The following CDH12 variants were observed in gnomAD, a reference collection of about 807,000 sequenced individuals.
CDH12 encodes the protein cadherin 12, also known as cadherin-12.
A neutral mutation model predicts 74.1 loss-of-function variants in CDH12; 41 were observed. That is an observed-to-expected ratio of 0.55 (90% CI 0.43 to 0.72). The LOEUF (loss-of-function observed/expected upper bound fraction) is 0.72. Ranked by LOEUF, CDH12 falls within the 30% of genes least tolerant of loss-of-function variation. CDH12 has a pLI of 0.00. For missense variants in CDH12, 945 were observed against 977.2 expected (o/e 0.97, Z 0.44); for synonymous variants, 399 against 355.0 (o/e 1.12, Z -1.39).
intron 1 of CDH12, among the ~76,000 whole-genome samples, chr5:22,831,679 G>A (rs1485039131): frequency 6.6e-6 from 1 of 151,938 alleles, no homozygotes; most frequent in Non-Finnish European, 1.5e-5. Context: ...GGTGGATCAC[G>A]AGGTCAGGAG....
chr5:22,828,416 G>A (rs1473414820), intron 1 of CDH12, among the ~76,000 whole-genome samples: 1 of 152,058 alleles, frequency 6.6e-6, no homozygotes, highest in Non-Finnish European at 1.5e-5. Flanking sequence ...AATGTCACTG[G>A]GATCTGCCAT....
chr5:21,871,951 A>T lies in CDH12; in HGVS notation c.527-17161T>A, dbSNP rs1285958470. On this transcript the variant is annotated intron_variant, in intron 6 of 14. Transcript: ENST00000382254. ...AATATATTAAAATGCCAACAAGTAGATAATAATGATATTGGATCACTTTAT... is the reference window on the plus strand; with the variant it reads ...AATATATTAAAATGCCAACAAGTAGTTAATAATGATATTGGATCACTTTAT... 5.9e-5 allele frequency among the ~76,000 whole-genome samples: 9 copies of T among 152,166 alleles called. 1 individual carries two copies.
chr5:21,950,761 T>TTATTA (rs1185119159), intron 6 of CDH12, among the ~76,000 whole-genome samples: 2 of 81,290 alleles, frequency 2.5e-5, no homozygotes, highest in Non-Finnish European at 4.3e-5. Context: ...TTTTATTTTA[T>TTATTA]TATTATTATT....
chr5:21,922,120 T>A (rs1754381405), intron 6 of CDH12, among the ~76,000 whole-genome samples: 1 of 152,184 alleles, frequency 6.6e-6, no homozygotes, highest in South Asian at 2.1e-4. Context: ...ACATTTGGTG[T>A]CATTTGCCCA....
Position 21,783,425 on chromosome 5 carries a change from G to A in CDH12, c.1326C>T (p.Ala442=), listed in dbSNP as rs374460952. Residue 442 remains alanine (A), a synonymous_variant, in exon 11 of 15, where the codon GCC becomes GCT. Coordinates refer to ENST00000382254, the MANE Select transcript of CDH12 (RefSeq NM_004061.5). Reference sequence around the variant, plus strand: ...TTTCTCTGTCTAGTAATTCATTAGTGGCGATGGTTCCTTCATTTCCATCTA... The same window carrying A: ...TTTCTCTGTCTAGTAATTCATTAGTAGCGATGGTTCCTTCATTTCCATCTA... ...FTIDGNEGTI[A]TNELLDREST... The A allele has an allele frequency of 4.4e-6, 7 of 1,608,332 alleles. No individual in the cohort carries two copies. Among genetic ancestry groups the A allele is most frequent in the South Asian group, 1.1e-5 (1 of 90,972 alleles).
chr5:22,851,558 A>C (rs1737558207), intron 1 of CDH12, among the ~76,000 whole-genome samples: 1 of 152,186 alleles, frequency 6.6e-6, no homozygotes. Flanking sequence ...TTTTTACTTC[A>C]GTAGTTTTCA....
intron 1 of CDH12, among the ~76,000 whole-genome samples, chr5:22,665,105 C>A (rs1191249568): frequency 1.3e-5 from 2 of 151,986 alleles, no homozygotes; most frequent in African/African-American, 4.8e-5. Context: ...TAGGTGTGCA[C>A]CAATGTGCTC....
chr5:22,352,948 C>T (rs116740409), intron 3 of CDH12, among the ~76,000 whole-genome samples: 1,792 of 152,260 alleles, frequency 0.012, 37 homozygotes, highest in African/African-American at 0.04. Flanking sequence ...CTCAAAGTCA[C>T]TTCTACAAAG....
At chr5:22,083,834 A>C (rs1742895746) in intron 4 of CDH12, among the ~76,000 whole-genome samples, 1 of 152,200 alleles carries the variant, frequency 6.6e-6, no homozygotes, top group South Asian at 2.1e-4. Context: ...TTCCAATCCT[A>C]GTAAAACAAG....
At chr5:22,726,577 G>C (rs903521704) in intron 1 of CDH12, among the ~76,000 whole-genome samples, 3 of 151,764 alleles carry the variant, frequency 2.0e-5, no homozygotes, top group Non-Finnish European at 2.9e-5. Context: ...ATTTCCTCCA[G>C]CAATGAAAGA....
chr5:22,661,118 G>T (rs1043801812), intron 1 of CDH12, among the ~76,000 whole-genome samples: 5 of 152,126 alleles, frequency 3.3e-5, no homozygotes, highest in African/African-American at 7.2e-5. Flanking sequence ...AGGAAGCAAA[G>T]AAACCTTATT....
chr5:22,724,157 A>G (rs187475461), intron 1 of CDH12, among the ~76,000 whole-genome samples: 4 of 151,952 alleles, frequency 2.6e-5, no homozygotes, highest in Non-Finnish European at 4.4e-5. Flanking sequence ...TCTATCATTA[A>G]CATACTACTT....
rs1754900785 is a variant in CDH12, at chr5:21,932,762, CAT to C, written c.526+42327_526+42328del. Among the ~76,000 whole-genome samples, 3 of 151,030 alleles carry C rather than the reference CAT, an allele frequency of 2.0e-5. No individual in the cohort carries two copies. In the South Asian group the frequency reaches 6.3e-4, roughly 32 times the overall value. On this transcript the variant is annotated intron_variant, in intron 6 of 14. Transcript: ENST00000382254. ...AAAAATACAAAAATTAGCTGGGTGTCATGGCACATGCATGTAGTCCCATCCTG... is the reference window on the plus strand; with the variant it reads ...AAAAATACAAAAATTAGCTGGGTGTCGGCACATGCATGTAGTCCCATCCTG...
intron 1 of CDH12, among the ~76,000 whole-genome samples, chr5:22,693,544 T>A (rs1742195294): frequency 6.6e-6 from 1 of 152,108 alleles, no homozygotes; most frequent in South Asian, 2.1e-4. Context: ...CAATGATTTT[T>A]GAAAATTTGA....
At chr5:22,533,128 T>C (rs1737668520) in intron 1 of CDH12, among the ~76,000 whole-genome samples, 1 of 152,128 alleles carries the variant, frequency 6.6e-6, no homozygotes, top group Non-Finnish European at 1.5e-5. Flanking sequence ...CATTGGCTGT[T>C]TTTCTCCTGT....
rs1052350715 is a variant in CDH12, at chr5:21,802,555, A to G, written c.1003-135T>C. On this transcript the variant is annotated intron_variant, in intron 9 of 14. Transcript: ENST00000382254. ...AAAATTTTCATTTTTCTTAATAACT[A>G]GTGGGTAAGGGCAGCACAAGGCAAA... 2.4e-5 allele frequency: 15 copies of G among 612,574 alleles called. No homozygotes were observed. The African/African-American group carries it at 2.8e-4, about 11-fold the overall frequency. 37.9% of individuals were successfully genotyped at this position (612,574 alleles called of 1,614,324 possible).
At position 21,881,497 on chromosome 5, in the gene CDH12, C is replaced by A. The variant is rs111230575; in HGVS notation, c.527-26707G>T. Among the ~76,000 whole-genome samples the A allele has an allele frequency of 8.9e-3, 1,362 of 152,258 alleles. 21 individuals are homozygous for A. The highest frequency in any genetic ancestry group is 0.031 in the African/African-American group (1,289 of 41,554). ...CAAAGCCATTGCTCACAGCCACTAC[C>A]CTAGTCCACCTCCAGGGAACAGAGA... On this transcript the variant is annotated intron_variant, in intron 6 of 14. Transcript: ENST00000382254.
chr5:21,923,385 C>A (rs1483519430), intron 6 of CDH12, among the ~76,000 whole-genome samples: 1 of 151,906 alleles, frequency 6.6e-6, no homozygotes, highest in Non-Finnish European at 1.5e-5. Flanking sequence ...TTTATTGAAC[C>A]CTTGTAAATG....
At chr5:22,792,076 T>C (rs1452905580) in intron 1 of CDH12, among the ~76,000 whole-genome samples, 3 of 150,484 alleles carry the variant, frequency 2.0e-5, no homozygotes, top group Admixed American at 6.7e-5. Context: ...AAGGATATCA[T>C]GAACTAGGGC....
Sources: gnomAD v4.1 joint callset for allele counts (sites outside exome capture counted in the v4.1 genomes callset) on GRCh38, gnomAD v4.1.1 for gene constraint, MANE v1.5 for transcripts, NCBI Gene and HGNC (gene_info 2026-07-23, HGNC 2026-07-21) for gene names.